ATP2A2: variants seen among roughly 807,000 people sequenced by gnomAD.
ATP2A2 encodes the protein sarcoplasmic/endoplasmic reticulum calcium ATPase 2.
In ATP2A2, 14 loss-of-function variants were observed where a neutral mutation model predicts 109.3. That is an observed-to-expected ratio of 0.13 (90% CI 0.08 to 0.20). The LOEUF (loss-of-function observed/expected upper bound fraction) is 0.20. Ranked by LOEUF, ATP2A2 falls within the 10% of genes least tolerant of loss-of-function variation. The pLI is 1.00. For missense variants in ATP2A2, 657 were observed against 1,321.6 expected, an observed-to-expected ratio of 0.50 and a Z score of 7.80; for synonymous variants, 506 against 490.9, an observed-to-expected ratio of 1.03 and a Z score of -0.41.
chr12:110,339,237 C>G lies in ATP2A2; in HGVS notation c.1420-44C>G, dbSNP rs757690706. 8 of 1,612,362 alleles carry G rather than the reference C, an allele frequency of 5.0e-6. No homozygotes were observed. The East Asian group carries it at 1.1e-4, about 22-fold the overall frequency. On this transcript the variant is annotated intron_variant, in intron 11 of 19. Transcript: ENST00000539276. This position sits in a 1 kb window ranked among gnomAD's most constrained non-coding sequence, Gnocchi z 4.4. The stretch of plus-strand genomic sequence containing the variant: ...TTACTGCTTGTTAGGTAAAAAAGTT[C>G]AGAAATTGCCACCCAGTAGTATCCA...
rs894890756 is a variant in ATP2A2, at chr12:110,345,268, A to C, written c.2627A>C (p.Lys876Thr). The change falls in exon 18 of 20, where the codon AAA becomes ACA. Residue 876 changes from lysine (K) to threonine (T), a missense_variant. Around this residue, in one of 9 missense-constraint regions of ATP2A2, gnomAD observed 125 missense variants for 243.5 expected, o/e 0.51. Coordinates refer to ENST00000539276, the MANE Select transcript of ATP2A2 (RefSeq NM_170665.4). ...FYQLSHFLQC[K>T]EDNPDFEGVD... ...TTGCAGAGTCATTTCCTACAGTGTA[A>C]AGAGGACAACCCGGACTTTGAAGGC... 1.9e-6 allele frequency: 3 copies of C among 1,614,016 alleles called. No homozygotes were observed. The highest frequency in any genetic ancestry group is 1.3e-5 in the African/African-American group (1 of 74,912).
Position 110,348,161 on chromosome 12 carries a change from C to CTACT in ATP2A2, c.*1694_*1697dup. 1 of 985,440 alleles carries CTACT rather than the reference C, an allele frequency of 1.0e-6. No homozygotes were observed. Among genetic ancestry groups the CTACT allele is most frequent in the Non-Finnish European group, 1.2e-6 (1 of 829,954 alleles). The allele number at this position is 985,440 out of a possible 1,614,324, so 61.0% of individuals were successfully genotyped here. A position where few individuals can be genotyped will look rare whatever the true frequency, so the allele number is the denominator to read the frequency against. ...TGCCAGGAGTCATCCCAGAACATTG[C>CTACT]TACTTATTTATTAAAAAGCTAAAAA... On this transcript the variant is annotated 3_prime_UTR_variant, in exon 20 of 20. Transcript: ENST00000539276.
chr12:110,307,359 T>TGG, intron 5 of ATP2A2, among the ~76,000 whole-genome samples: 1 of 151,696 alleles, frequency 6.6e-6, no homozygotes, highest in East Asian at 1.9e-4. Flanking sequence ...GCCTTCCAGG[T>TGG]TAGCTGGGAC....
Position 110,342,894 on chromosome 12 carries a change from A to C in ATP2A2, c.2319-338A>C, listed in dbSNP as rs1592864284. 6.6e-6 allele frequency among the ~76,000 whole-genome samples: 1 copy of C among 151,188 alleles called. No individual in the cohort carries two copies. The highest frequency in any genetic ancestry group is 6.6e-5 in the Admixed American group (1 of 15,156). The stretch of plus-strand genomic sequence containing the variant: ...GCTGGGATTACAGGCATGCGCCACC[A>C]CTCCCTGCCATTTTTTTGTGTTTTA... On this transcript the variant is annotated intron_variant, in intron 15 of 19. Transcript: ENST00000539276. This position sits in a 1 kb window ranked among gnomAD's most constrained non-coding sequence, Gnocchi z 4.6.
chr12:110,301,725 A>G (rs1566209823), intron 5 of ATP2A2, among the ~76,000 whole-genome samples: 1 of 152,230 alleles, frequency 6.6e-6, no homozygotes, highest in Non-Finnish European at 1.5e-5. Context: ...GGACTTCCCC[A>G]TTGCACTTAA....
At chr12:110,323,349 T>C (rs1024352537) in intron 6 of ATP2A2, among the ~76,000 whole-genome samples, 1 of 152,170 alleles carries the variant, frequency 6.6e-6, no homozygotes, top group African/African-American at 2.4e-5. Context: ...CATGCCCAGC[T>C]AATTTTTGTA....
Position 110,327,428 on chromosome 12 carries a change from C to G in ATP2A2, c.631-125C>G. ...ACAGTTGTATGGCTGGTTGCTTGAA[C>G]AGTAGCCAGTGGAAGACCTAGTAGA... On this transcript the variant is annotated intron_variant, in intron 7 of 19. Coordinates refer to ENST00000539276, the MANE Select transcript of ATP2A2 (RefSeq NM_170665.4). This position sits in a 1 kb window ranked among gnomAD's most constrained non-coding sequence, Gnocchi z 4.4. 1 of 880,496 alleles carries G rather than the reference C, an allele frequency of 1.1e-6. No individual in the cohort carries two copies. Among genetic ancestry groups the G allele is most frequent in the Admixed American group, 1.7e-5 (1 of 58,538 alleles). 54.5% of individuals were successfully genotyped at this position (880,496 alleles called of 1,614,324 possible). A position where few individuals can be genotyped will look rare whatever the true frequency, so the allele number is the denominator to read the frequency against.
Position 110,327,801 on chromosome 12 carries a change from T to A in ATP2A2, c.879T>A (p.Ile293=). Residue 293 remains isoleucine (I), a synonymous_variant, in exon 8 of 20, where the codon ATT becomes ATA. Coordinates refer to ENST00000539276, the MANE Select transcript of ATP2A2 (RefSeq NM_170665.4). The surrounding 1 kb of genome is among the most constrained non-coding windows in gnomAD (Gnocchi z 4.4). ...VHGGSWIRGA[I]YYFKIAVALA... The stretch of plus-strand genomic sequence containing the variant: ...GAGGGTCCTGGATCAGAGGTGCTAT[T>A]TACTACTTTAAAATTGCAGTGGCCC... The A allele has an allele frequency of 1.2e-6, 2 of 1,614,142 alleles. No homozygotes were observed. The highest frequency in any genetic ancestry group is 1.7e-6 in the Non-Finnish European group (2 of 1,180,034).
intron 5 of ATP2A2, among the ~76,000 whole-genome samples, chr12:110,300,133 C>T (rs1293132808): frequency 7.0e-6 from 1 of 143,410 alleles, no homozygotes; most frequent in Non-Finnish European, 1.5e-5. Context: ...CCTCCCCTCC[C>T]CTCCCCTCCC....
intron 4 of ATP2A2, among the ~76,000 whole-genome samples, chr12:110,292,860 G>T (rs1026158108): frequency 7.2e-5 from 11 of 152,172 alleles, no homozygotes; most frequent in African/African-American, 2.7e-4. Context: ...AAATGAGAAT[G>T]TGAGAACCAT....
At chr12:110,294,233 C>T (rs138722107) in intron 4 of ATP2A2, among the ~76,000 whole-genome samples, 3,469 of 152,024 alleles carry the variant, frequency 0.023, 125 homozygotes, top group African/African-American at 0.078. Context: ...TTAATAGAGA[C>T]GGGGTTTCAC....
rs888720399 is a variant in ATP2A2 at position 110,347,157 on chromosome 12, A to G, written c.*687A>G. On this transcript the variant is annotated 3_prime_UTR_variant, in exon 20 of 20. Coordinates refer to ENST00000539276, the MANE Select transcript of ATP2A2 (RefSeq NM_170665.4). ...TCGCTTGTGCAGAAAACATTGTTCC[A>G]GATTCAATCGACTGGGTTTATGTCC... The G allele has an allele frequency of 4.2e-6, 5 of 1,186,374 alleles. No homozygotes were observed. In the African/African-American group the frequency reaches 6.4e-5, roughly 15 times the overall value. 73.5% of individuals were successfully genotyped at this position (1,186,374 alleles called of 1,614,324 possible). A position where few individuals can be genotyped will look rare whatever the true frequency, so the allele number is the denominator to read the frequency against.
intron 5 of ATP2A2, among the ~76,000 whole-genome samples, chr12:110,317,319 C>T (rs904904667): frequency 5.9e-5 from 9 of 152,164 alleles, no homozygotes; most frequent in Non-Finnish European, 1.0e-4. Context: ...ATTTTAATAA[C>T]TGGTGTTTGC....
Position 110,342,737 on chromosome 12 carries a change from C to A in ATP2A2, c.2318+289C>A, listed in dbSNP as rs917061297. Among the ~76,000 whole-genome samples, 4 of 152,124 alleles carry A rather than the reference C, an allele frequency of 2.6e-5. No individual in the cohort carries two copies. Among genetic ancestry groups the A allele is most frequent in the Non-Finnish European group, 5.9e-5 (4 of 68,006 alleles). The stretch of plus-strand genomic sequence containing the variant: ...CTTGCCCTCCAAAAGTTGGCTTTAT[C>A]TCAGTCAGCTTAATAATTTTTTTAT... On this transcript the variant is annotated intron_variant, in intron 15 of 19. Coordinates refer to ENST00000539276, the MANE Select transcript of ATP2A2 (RefSeq NM_170665.4). This position sits in a 1 kb window ranked among gnomAD's most constrained non-coding sequence, Gnocchi z 4.6.
intron 5 of ATP2A2, among the ~76,000 whole-genome samples, chr12:110,310,320 C>T (rs1002953364): frequency 6.7e-6 from 1 of 150,362 alleles, no homozygotes; most frequent in African/African-American, 2.5e-5. Flanking sequence ...GAGACAAGGT[C>T]TCCCTGTATT....
Position 110,340,874 on chromosome 12 carries a change from A to T in ATP2A2, c.1977A>T (p.Glu659Asp). Residue 659 changes from glutamate (E) to aspartate (D), a missense_variant, in exon 14 of 20, where the codon GAA becomes GAT. This residue lies in a region of ATP2A2 where 180 missense variants were observed against 329.1 expected (regional missense o/e 0.55). Coordinates refer to ENST00000539276, the MANE Select transcript of ATP2A2 (RefSeq NM_170665.4). This position sits in a 1 kb window ranked among gnomAD's most constrained non-coding sequence, Gnocchi z 6.0. ...SKAFTGREFD[E>D]LNPSAQRDAC... ...CTTTCACAGGCCGGGAGTTTGATGA[A>T]CTCAACCCCTCCGCCCAGCGAGACG... 1 of 1,614,100 alleles carries T rather than the reference A, an allele frequency of 6.2e-7. No homozygotes were observed. The highest frequency in any genetic ancestry group is 8.5e-7 in the Non-Finnish European group (1 of 1,180,024).
In ATP2A2 at chr12:110,293,826, A is replaced by ATGTGTGTGTG. The variant is rs59260681; in HGVS notation, c.324+1732_324+1741dup. On this transcript the variant is annotated intron_variant, in intron 4 of 19. Transcript: ENST00000539276. The stretch of plus-strand genomic sequence containing the variant: ...AGAGATTTGTAATTGTGCCATATAT[A>ATGTGTGTGTG]TGTGTGTGTGTGTGTGTGTGTGTGT... 5.6e-3 allele frequency among the ~76,000 whole-genome samples: 611 copies of ATGTGTGTGTG among 108,582 alleles called. 10 individuals carry two copies. Among genetic ancestry groups the ATGTGTGTGTG allele is most frequent in the African/African-American group, 0.013 (337 of 25,536 alleles). 71.2% of individuals were successfully genotyped at this position (108,582 alleles called of 152,430 possible). A position where few individuals can be genotyped will look rare whatever the true frequency, so the allele number is the denominator to read the frequency against.
intron 5 of ATP2A2, among the ~76,000 whole-genome samples, chr12:110,305,385 A>G (rs1875173999): frequency 6.6e-6 from 1 of 152,184 alleles, no homozygotes; most frequent in Admixed American, 6.5e-5. Context: ...ACCCTAGGCA[A>G]CAAAGCAAGA....
chr12:110,313,219 T>TTG (rs1223315427), intron 5 of ATP2A2, among the ~76,000 whole-genome samples: 1 of 151,482 alleles, frequency 6.6e-6, no homozygotes, highest in Non-Finnish European at 1.5e-5. Flanking sequence ...GTAGTCACAG[T>TTG]ACCAGGAAGT....
Sources: allele counts gnomAD v4.1 joint callset (sites outside exome capture counted in the v4.1 genomes callset), GRCh38; gene constraint gnomAD v4.1.1; regional missense constraint gnomAD v4.1.1; non-coding constraint Gnocchi (gnomAD v3.1); transcripts MANE v1.5; gene names NCBI Gene and HGNC (gene_info 2026-07-23, HGNC 2026-07-21).